The following TRMT9B variants were observed in gnomAD, a reference collection of about 807,000 sequenced individuals.
The protein encoded by TRMT9B is probable tRNA methyltransferase 9B.
TRMT9B carries 16 observed loss-of-function variants against 11.5 expected under a neutral mutation model. The ratio of observed to expected loss-of-function variants is 1.39; its 90% CI spans 0.94 to 2.11. TRMT9B has a LOEUF of 2.11. Among genes scored for constraint, TRMT9B ranks in the 30% most tolerant of loss-of-function variants. The pLI, the probability that TRMT9B is intolerant of heterozygous loss-of-function variation, is 0.00. For synonymous variants in TRMT9B, 274 were observed against 192.4 expected, an observed-to-expected ratio of 1.42 and a Z score of -3.51; for missense variants, 941 against 553.8, an observed-to-expected ratio of 1.70 and a Z score of -7.02.
chr8:12,985,875 T>C (rs944278111), intron 1 of TRMT9B, among the ~76,000 whole-genome samples: 1 of 152,152 alleles, frequency 6.6e-6, no homozygotes, highest in African/African-American at 2.4e-5. Flanking sequence ...AATTTAATTT[T>C]TTTGAGATGG....
intron 1 of TRMT9B, among the ~76,000 whole-genome samples, chr8:12,970,630 C>G (rs1443214910): frequency 5.9e-5 from 9 of 152,202 alleles, no homozygotes; most frequent in Non-Finnish European, 8.8e-5. Context: ...GTTAATGCAG[C>G]TGTCAATATT....
chr8:13,017,734 T>C (rs1812998380), intron 4 of TRMT9B, among the ~76,000 whole-genome samples: 1 of 151,334 alleles, frequency 6.6e-6, no homozygotes. Context: ...TCACATCAGT[T>C]TCCTGAGTAA....
At chr8:13,010,057 G>T (rs1453137000) in intron 3 of TRMT9B, among the ~76,000 whole-genome samples, 1 of 151,774 alleles carries the variant, frequency 6.6e-6, no homozygotes, top group African/African-American at 2.4e-5. Context: ...AGGACAGATT[G>T]AGTCTGGGAG....
intron 1 of TRMT9B, among the ~76,000 whole-genome samples, chr8:12,986,616 G>A (rs535627986): frequency 6.6e-6 from 1 of 152,260 alleles, no homozygotes; most frequent in Admixed American, 6.5e-5. Context: ...ACGAAGGAAG[G>A]GTTTATTAGA....
chr8:12,986,078 T>C (rs1711526674), intron 1 of TRMT9B, among the ~76,000 whole-genome samples: 1 of 152,126 alleles, frequency 6.6e-6, no homozygotes, highest in African/African-American at 2.4e-5. Context: ...GACAAGCTGG[T>C]CTTAAACTCC....
rs1247737471 is a variant in TRMT9B, at chr8:13,022,031, G to T, written c.1352G>T (p.Arg451Ile). Residue 451 changes from arginine to isoleucine, a missense_variant, in exon 5 of 5, where the codon AGA (arginine) becomes ATA (isoleucine). By Grantham distance (97) the Arg-to-Ile change is moderately conservative. Transcript: ENST00000524591. ...GNWCIIAEKK[R>I]GCD ...TGGTGTATCATTGCAGAGAAAAAGA[G>T]AGGTTGTGATTGATTGGATCCTTTT... is the stretch of plus-strand genomic sequence containing the variant. The T allele has an allele frequency of 1.3e-6, 2 of 1,580,628 alleles. No homozygotes were observed. Among genetic ancestry groups the T allele is most frequent in the African/African-American group, 2.7e-5 (2 of 73,698 alleles).
In TRMT9B at chr8:13,022,093, T is replaced by C. The variant is rs759046152; in HGVS notation, c.*49T>C. The C allele has an allele frequency of 2.3e-6, 3 of 1,328,960 alleles. No homozygotes were observed. In the African/African-American group the frequency reaches 4.4e-5, roughly 19 times the overall value. 82.3% of individuals were successfully genotyped at this position (1,328,960 alleles called of 1,614,324 possible). On this transcript the variant is annotated 3_prime_UTR_variant, in exon 5 of 5. Coordinates refer to ENST00000524591, the MANE Select transcript of TRMT9B (RefSeq NM_020844.3). The stretch of plus-strand genomic sequence containing the variant: ...CCAAAAGATGAACCACATTCTTTCC[T>C]CTTGGTTTGATATGGTTACCTGAAT...
chr8:12,953,927 A>G (rs531477301), intron 1 of TRMT9B, among the ~76,000 whole-genome samples: 2 of 152,204 alleles, frequency 1.3e-5, no homozygotes, highest in Non-Finnish European at 2.9e-5. Flanking sequence ...AGAGCTCTGT[A>G]TACACTCTTT....
At chr8:13,018,466 A>G (rs1008037247) in intron 4 of TRMT9B, among the ~76,000 whole-genome samples, 1 of 151,830 alleles carries the variant, frequency 6.6e-6, no homozygotes, top group Non-Finnish European at 1.5e-5. Context: ...ATGTTGATGT[A>G]TGAGTCTACT....
chr8:12,998,421 T>A (rs1172561469), intron 2 of TRMT9B, among the ~76,000 whole-genome samples: 2 of 152,134 alleles, frequency 1.3e-5, no homozygotes, highest in East Asian at 3.8e-4. Flanking sequence ...GCCACGTGTG[T>A]TTTCCATAGA....
rs566806357 is a variant in TRMT9B at position 13,010,068 on chromosome 8, G to A, written c.155-2616G>A. Among the ~76,000 whole-genome samples, 7 of 151,728 alleles carry A rather than the reference G, an allele frequency of 4.6e-5. No homozygotes were observed. The East Asian group carries it at 1.2e-3, about 25-fold the overall frequency. ...TAGGAGGACAGATTGAGTCTGGGAG[G>A]CAGAGGTTGCAGTGAGCCGAGATGG... On this transcript the variant is annotated intron_variant, in intron 3 of 4. Transcript: ENST00000524591.
At chr8:12,955,608 C>G (rs1176046285) in intron 1 of TRMT9B, among the ~76,000 whole-genome samples, 2 of 152,194 alleles carry the variant, frequency 1.3e-5, no homozygotes, top group South Asian at 2.1e-4. Context: ...TAGGCACAAC[C>G]TTTGCCACTT....
At chr8:12,956,134 A>G (rs562583309) in intron 1 of TRMT9B, among the ~76,000 whole-genome samples, 1 of 152,216 alleles carries the variant, frequency 6.6e-6, no homozygotes, top group African/African-American at 2.4e-5. Flanking sequence ...CCCTAGCTGC[A>G]AGGGACTCTG....
At chr8:12,992,582 T>A (rs1203678471) in intron 2 of TRMT9B, among the ~76,000 whole-genome samples, 1 of 152,030 alleles carries the variant, frequency 6.6e-6, no homozygotes, top group Non-Finnish European at 1.5e-5. Context: ...CTGGGCACAG[T>A]GGCTCATGCT....
rs1281955435 is a variant in TRMT9B at position 13,021,390 on chromosome 8, T to C, written c.711T>C (p.Tyr237=). 3.1e-6 allele frequency: 5 copies of C among 1,614,098 alleles called. No individual in the cohort carries two copies. The African/African-American group carries it at 6.7e-5, about 21-fold the overall frequency. Residue 237 remains tyrosine (Y), a synonymous_variant, in exon 5 of 5, where the codon TAT becomes TAC. Coordinates refer to ENST00000524591, the MANE Select transcript of TRMT9B (RefSeq NM_020844.3). The part of the protein sequence containing the change: ...ANISKEGEEE[Y]GFYSTLGKSF... ...TTTCTAAGGAAGGCGAGGAAGAATA[T>C]GGATTTTACAGCACATTAGGAAAAT...
intron 4 of TRMT9B, among the ~76,000 whole-genome samples, chr8:13,013,913 C>G (rs1318511679): frequency 2.0e-5 from 3 of 152,030 alleles, no homozygotes; most frequent in Non-Finnish European, 4.4e-5. Context: ...CACACCACTG[C>G]ACTCCAGCCT....
chr8:13,016,191 G>T (rs1812639948), intron 4 of TRMT9B, among the ~76,000 whole-genome samples: 3 of 143,242 alleles, frequency 2.1e-5, no homozygotes, highest in East Asian at 2.0e-4. Context: ...ATATAAATGT[G>T]AAATATATAT....
chr8:13,010,545 G>A (rs1811397585), intron 3 of TRMT9B: 3 of 984,754 alleles, frequency 3.0e-6, no homozygotes, highest in African/African-American at 3.5e-5. Context: ...TAAACATGAA[G>A]GCCATTAGAA....
At chr8:12,984,744 T>C (rs1585205236) in intron 1 of TRMT9B, among the ~76,000 whole-genome samples, 1 of 152,308 alleles carries the variant, frequency 6.6e-6, no homozygotes, top group East Asian at 1.9e-4. Context: ...TTTTCATTTT[T>C]CTTCACTCTC....
Sources: gnomAD v4.1 joint callset for allele counts (sites outside exome capture counted in the v4.1 genomes callset) on GRCh38, gnomAD v4.1.1 for gene constraint, MANE v1.5 for transcripts, NCBI Gene and HGNC (gene_info 2026-07-23, HGNC 2026-07-21) for gene names.